Variants in RAB26 observed in about 807,000 individuals in gnomAD.
RAB26 encodes the protein ras-related protein Rab-26.
RAB26 carries 39 observed loss-of-function variants against 33.1 expected under a neutral mutation model. That is an observed-to-expected ratio of 1.18 (90% CI 0.91 to 1.54). The LOEUF (loss-of-function observed/expected upper bound fraction) is 1.54, where lower values mean the gene tolerates loss of function less well. Among genes scored for constraint, RAB26 ranks in the 40% most tolerant of loss-of-function variants. The pLI is 0.00. For synonymous variants in RAB26, 192 were observed against 151.9 expected, an observed-to-expected ratio of 1.26 and a Z score of -1.94; for missense variants, 468 against 362.9, an observed-to-expected ratio of 1.29 and a Z score of -2.35.
intron 2 of RAB26, among the ~76,000 whole-genome samples, chr16:2,150,666 C>T (rs906120948): frequency 6.6e-6 from 1 of 152,168 alleles, no homozygotes; most frequent in Non-Finnish European, 1.5e-5. Context: ...GATGGAGTGA[C>T]GACTGAAGTG....
rs756810720 is a variant in RAB26, at chr16:2,153,148, G to C, written c.594G>C (p.Glu198Asp). 5 of 1,613,682 alleles carry C rather than the reference G, an allele frequency of 3.1e-6. No individual in the cohort carries two copies. Among genetic ancestry groups the C allele is most frequent in the East Asian group, 2.2e-5 (1 of 44,890 alleles). The change falls in exon 8 of 9, where the codon GAG becomes GAC. Residue 198 changes from glutamate (E) to aspartate (D), a missense_variant and splice_region_variant. Physicochemically the swap from Glu to Asp is conservative, Grantham distance 45. Coordinates refer to ENST00000210187, the MANE Select transcript of RAB26 (RefSeq NM_014353.5). Reference sequence around the variant, plus strand: ...TGGCTGGCAGCAGCTGTTTACAGGAGTATGGACTGCCCTTCATGGAGACCA... The same window carrying C: ...TGGCTGGCAGCAGCTGTTTACAGGACTATGGACTGCCCTTCATGGAGACCA... Reference protein sequence around the residue: ...KREDGEKLAKEYGLPFMETSA... With the variant: ...KREDGEKLAKDYGLPFMETSA...
At position 2,150,012 on chromosome 16, in the gene RAB26, G is replaced by A; in HGVS notation, c.267G>A (p.Leu89=). Residue 89 remains leucine, a synonymous_variant, in exon 2 of 9, where the codon CTG becomes CTA. Transcript: ENST00000210187. ...TGCGATTCAAGGATGGTGCTTTCCT[G>A]GCGGGGACCTTCATCTCCACCGTAG... is the stretch of plus-strand genomic sequence containing the variant. ...LLVRFKDGAF[L]AGTFISTVGI... 2 of 1,545,400 alleles carry A rather than the reference G, an allele frequency of 1.3e-6. No homozygotes were observed. The highest frequency in any genetic ancestry group is 1.4e-5 in the African/African-American group (1 of 72,830).
rs183090229 is a variant in RAB26, at chr16:2,150,107, C to G, written c.306+56C>G. ...CAGAGTCCCGCCGGTACCCGAGCAG[C>G]AAGTTCTCTCTGATCCCCATGGTAC... On this transcript the variant is annotated intron_variant, in intron 2 of 8. Transcript: ENST00000210187. The G allele has an allele frequency of 3.6e-4, 512 of 1,440,542 alleles. 5 individuals are homozygous for G. The Middle Eastern group carries it at 6.5e-3, about 18-fold the overall frequency. The allele number at this position is 1,440,542 out of a possible 1,614,324, so 89.2% of individuals were successfully genotyped here.
In RAB26 at chr16:2,148,932, G is replaced by A; in HGVS notation, c.149G>A (p.Arg50Gln). 1.5e-6 allele frequency: 2 copies of A among 1,298,716 alleles called. No homozygotes were observed. The highest frequency in any genetic ancestry group is 3.8e-5 in the Admixed American group (1 of 26,558). 80.4% of individuals were successfully genotyped at this position (1,298,716 alleles called of 1,614,324 possible). Residue 50 changes from arginine (R) to glutamine (Q), a missense_variant, in exon 1 of 9, where the codon CGG becomes CAG. Transcript: ENST00000210187. ...APPNGPLQPG[R>Q]PSLGGGVDFY... Reference sequence around the variant, plus strand: ...CCCAACGGGCCCTTGCAGCCCGGCCGGCCCTCGCTTGGCGGCGGTGTCGAC... The same window carrying A: ...CCCAACGGGCCCTTGCAGCCCGGCCAGCCCTCGCTTGGCGGCGGTGTCGAC...
intron 2 of RAB26, 36 bp from the exon 3 acceptor site, chr16:2,151,533 G>T (rs764548671): frequency 1.2e-6 from 2 of 1,612,910 alleles, no homozygotes; most frequent in Non-Finnish European, 1.7e-6. Context: ...GCTGGGCTGG[G>T]CCCATGCCAG....
At chr16:2,150,279 C>T (rs970280857) in intron 2 of RAB26, among the ~76,000 whole-genome samples, 3 of 152,190 alleles carry the variant, frequency 2.0e-5, no homozygotes, top group Admixed American at 1.3e-4. Context: ...TTGGGGGAGG[C>T]GGACACTGTT....
Position 2,153,320 on chromosome 16 carries a change from G to T in RAB26, c.670G>T (p.Glu224Ter). ...VDLAFTAIAK[E>*]LKQRSMKAPS... ...CCCCTTGTCACCCCCACTCCGCAGG[G>T]AGTTGAAGCAGCGCTCCATGAAGGC... Residue 224 changes from glutamate (E) to a stop codon, truncating the protein, a stop_gained and splice_region_variant, in exon 9 of 9, where the codon GAG becomes TAG. Transcript: ENST00000210187. LOFTEE classifies it high-confidence loss of function. The T allele has an allele frequency of 6.2e-7, 1 of 1,613,552 alleles. No homozygotes were observed.
At position 2,149,927 on chromosome 16, in the gene RAB26, C is replaced by T; in HGVS notation, c.196-14C>T. On this transcript the variant is annotated splice_polypyrimidine_tract_variant and intron_variant, in intron 1 of 8. Transcript: ENST00000210187. ...GGCAGACCAGACTCCCCCCAACCCT[C>T]CTGCTTGTCCTAGGTCATGCTGGTG... The T allele has an allele frequency of 6.6e-7, 1 of 1,514,386 alleles. No individual in the cohort carries two copies. The highest frequency in any genetic ancestry group is 8.9e-7 in the Non-Finnish European group (1 of 1,128,720). The allele number at this position is 1,514,386 out of a possible 1,614,324, so 93.8% of individuals were successfully genotyped here.
intron 8 of RAB26, 44 bp from the exon 9 acceptor site, chr16:2,153,275 T>TA (rs778013281): frequency 5.6e-6 from 9 of 1,612,544 alleles, no homozygotes; most frequent in Non-Finnish European, 4.2e-6. Context: ...GAATCCTCAT[T>TA]AGAGTCCAGG....
At chr16:2,150,212 CAT>C (rs1484452821) in intron 2 of RAB26, among the ~76,000 whole-genome samples, 161 bp downstream of exon 2, 9 of 152,250 alleles carry the variant, frequency 5.9e-5, no homozygotes, top group Admixed American at 5.9e-4. Flanking sequence ...ACCCGACAAG[CAT>C]AGTTAGTTGC....
rs1278359213 is a variant in RAB26, at chr16:2,151,570, A to G, written c.308A>G (p.Asn103Ser). The change falls in exon 3 of 9, where the codon AAC (asparagine) becomes AGC (serine). Residue 103 changes from asparagine (N) to serine (S), a missense_variant and splice_region_variant. Physicochemically the swap from Asn to Ser is conservative, Grantham distance 46. Coordinates refer to ENST00000210187, the MANE Select transcript of RAB26 (RefSeq NM_014353.5). ...FISTVGIDFRNKVLDVDGVKV... is the reference protein window; with the variant it reads ...FISTVGIDFRSKVLDVDGVKV... ...GCTGCCTGGTTCTGTCTGTTTCAGA[A>G]CAAAGTTCTGGACGTGGATGGTGTG... 6.2e-7 allele frequency: 1 copy of G among 1,613,934 alleles called. No individual in the cohort carries two copies. Among genetic ancestry groups the G allele is most frequent in the South Asian group, 1.1e-5 (1 of 91,088 alleles).
chr16:2,151,738 A>G lies in RAB26; in HGVS notation c.392A>G (p.His131Arg), dbSNP rs1242020321. The G allele has an allele frequency of 6.2e-7, 1 of 1,613,978 alleles. No homozygotes were observed. Residue 131 changes from histidine to arginine, a missense_variant, in exon 4 of 9, where the codon CAT (histidine) becomes CGT (arginine). Coordinates refer to ENST00000210187, the MANE Select transcript of RAB26 (RefSeq NM_014353.5). The part of the protein sequence containing the change: ...AGQERFRSVT[H>R]AYYRDAHALL... ...CAGGAGCGGTTCCGCAGTGTTACCC[A>G]TGCCTACTACCGGGATGCTCATGGT...
At chr16:2,151,394 G>T in intron 2 of RAB26, 175 bp from the exon 3 acceptor site, 2 of 766,734 alleles carry the variant, frequency 2.6e-6, no homozygotes, top group East Asian at 5.2e-5. Flanking sequence ...GAGGCTGCCG[G>T]GAGAGGCCTG....
rs755541208 is a variant in RAB26, at chr16:2,153,231, T to C, written c.668+9T>C. ...TTCACAGCCATAGCAAAGTAAGTCCTGCCAGTCACCAGGACTCCCCCAGCC... is the reference window on the plus strand; with the variant it reads ...TTCACAGCCATAGCAAAGTAAGTCCCGCCAGTCACCAGGACTCCCCCAGCC... On this transcript the variant is annotated intron_variant, in intron 8 of 8. Transcript: ENST00000210187. The C allele has an allele frequency of 2.5e-6, 4 of 1,613,774 alleles. No homozygotes were observed. Among genetic ancestry groups the C allele is most frequent in the East Asian group, 2.2e-5 (1 of 44,882 alleles).
chr16:2,151,126 G>T, intron 2 of RAB26: 1 of 431,074 alleles, frequency 2.3e-6, no homozygotes, highest in Non-Finnish European at 4.6e-6. Context: ...TTATTCTTTT[G>T]AAGCAGGGTC....
upstream of RAB26, chr16:2,148,477 G>A (rs2092993024): frequency 6.6e-6 from 1 of 152,330 alleles, no homozygotes; most frequent in Non-Finnish European, 1.5e-5. Context: ...GTGATCGGGG[G>A]CGGGACGGGG....
In RAB26 at chr16:2,151,719, C is replaced by T. The variant is rs373434519; in HGVS notation, c.373C>T (p.Arg125Trp). Reference sequence around the variant, plus strand: ...GATGTGGGACACAGCTGGTCAGGAGCGGTTCCGCAGTGTTACCCATGCCTA... The same window carrying T: ...GATGTGGGACACAGCTGGTCAGGAGTGGTTCCGCAGTGTTACCCATGCCTA... ...LQMWDTAGQE[R>W]FRSVTHAYYR... The change falls in exon 4 of 9, where the codon CGG (arginine) becomes TGG (tryptophan). Residue 125 changes from arginine (R) to tryptophan (W), a missense_variant. Transcript: ENST00000210187. The T allele has an allele frequency of 6.2e-6, 10 of 1,613,804 alleles. No individual in the cohort carries two copies. The highest frequency in any genetic ancestry group is 3.3e-5 in the Admixed American group (2 of 60,004).
rs1025132304 is a variant in RAB26 at position 2,152,708 on chromosome 16, A to AAG, written c.469-111_469-110insGA. 6.2e-6 allele frequency: 5 copies of AAG among 803,366 alleles called. No homozygotes were observed. In the African/African-American group the frequency reaches 7.2e-5, roughly 12 times the overall value. The allele number at this position is 803,366 out of a possible 1,614,324, so 49.8% of individuals were successfully genotyped here. On this transcript the variant is annotated intron_variant, in intron 5 of 8. Transcript: ENST00000210187. ...ACTCTTGTCTCAAAAAAAAAAAAAA[A>AAG]AAAAAAAAGATAAAGACAGGTGCCC...
In RAB26 at chr16:2,151,666, G is replaced by C. The variant is rs200475074; in HGVS notation, c.349-29G>C. 5 of 1,614,036 alleles carry C rather than the reference G, an allele frequency of 3.1e-6. No homozygotes were observed. The East Asian group carries it at 1.1e-4, about 36-fold the overall frequency. On this transcript the variant is annotated intron_variant, in intron 3 of 8. Coordinates refer to ENST00000210187, the MANE Select transcript of RAB26 (RefSeq NM_014353.5). ...GACAGGGGACACCAGGGAAGGGCTG[G>C]ACAGCCTGACCAGTGCCTGTCGCTG... is the stretch of plus-strand genomic sequence containing the variant.
Sources: allele counts gnomAD v4.1 joint callset (sites outside exome capture counted in the v4.1 genomes callset), GRCh38; gene constraint gnomAD v4.1.1; transcripts MANE v1.5; gene names NCBI Gene and HGNC (gene_info 2026-07-23, HGNC 2026-07-21).